The following IGF2R variants were observed in gnomAD, a reference collection of about 807,000 sequenced individuals.
The protein encoded by IGF2R is cation-independent mannose-6-phosphate receptor.
IGF2R carries 91 observed loss-of-function variants against 270.6 expected under a neutral mutation model. That is an observed-to-expected ratio of 0.34 (90% confidence interval 0.28 to 0.40). IGF2R has a LOEUF of 0.40. IGF2R is among the 10% of genes least tolerant of loss of function. The probability of loss-of-function intolerance (pLI) is 1.00; values close to 1 mark genes in which losing one functional copy is unlikely to be tolerated. For missense variants in IGF2R, 2,805 were observed against 3,188.3 expected, an observed-to-expected ratio of 0.88 and a Z score of 2.90; for synonymous variants, 1,316 against 1,258.9, an observed-to-expected ratio of 1.05 and a Z score of -0.96.
At chr6:160,074,145 C>T in intron 35 of IGF2R, 170 bp downstream of exon 35, 1 of 606,218 alleles carries the variant, frequency 1.6e-6, no homozygotes, top group South Asian at 2.0e-5. Context: ...AAGGTTTGCA[C>T]ATTGAACTGT....
In IGF2R at chr6:160,059,100, T is replaced by TGAGCTCA; in HGVS notation, c.3091+7_3091+13dup. On this transcript the variant is annotated splice_region_variant and intron_variant, in intron 22 of 47. Coordinates refer to ENST00000356956, the MANE Select transcript of IGF2R (RefSeq NM_000876.4). ...ACAAAGGGCCTCTCTCTGCCAAAGG[T>TGAGCTCA]GAGCTCAGAGCCATGTTGTTTTGTA... 6.2e-7 allele frequency: 1 copy of TGAGCTCA among 1,613,290 alleles called. No individual in the cohort carries two copies. Among genetic ancestry groups the TGAGCTCA allele is most frequent in the Non-Finnish European group, 8.5e-7 (1 of 1,179,668 alleles).
intron 30 of IGF2R, among the ~76,000 whole-genome samples, chr6:160,069,646 G>A (rs1483542098): frequency 2.6e-5 from 4 of 152,164 alleles, no homozygotes; most frequent in Non-Finnish European, 5.9e-5. Context: ...ACTCACGCCC[G>A]CCTGCCCCAG....
chr6:160,014,491 C>T (rs1777240481), intron 4 of IGF2R, among the ~76,000 whole-genome samples: 1 of 152,174 alleles, frequency 6.6e-6, no homozygotes, highest in Non-Finnish European at 1.5e-5. Context: ...AGGGAGACAG[C>T]CAGTAGTTGC....
intron 4 of IGF2R, among the ~76,000 whole-genome samples, chr6:160,023,654 A>G (rs1043981505): frequency 3.3e-5 from 5 of 152,214 alleles, no homozygotes; most frequent in Non-Finnish European, 7.3e-5. Context: ...CAAAGTGTTC[A>G]TGCCAGAGGT....
intron 1 of IGF2R, among the ~76,000 whole-genome samples, chr6:159,980,297 AG>A (rs1019021053): frequency 7.2e-5 from 11 of 152,094 alleles, no homozygotes; most frequent in African/African-American, 2.7e-4. Context: ...TCCCTAGGTG[AG>A]GGTTGCAGTT....
chr6:159,999,313 C>G (rs780775852), intron 2 of IGF2R, among the ~76,000 whole-genome samples: 43 of 152,216 alleles, frequency 2.8e-4, no homozygotes, highest in Non-Finnish European at 5.7e-4. Flanking sequence ...ATCTTGGAGG[C>G]CTTCCTGGAA....
chr6:159,994,594 C>T (rs973694217), intron 2 of IGF2R, among the ~76,000 whole-genome samples: 1 of 151,944 alleles, frequency 6.6e-6, no homozygotes, highest in Admixed American at 6.6e-5. Context: ...ATAAACTTCC[C>T]TCTTACCGCT....
In IGF2R at chr6:160,071,957, C is replaced by A; in HGVS notation, c.4491C>A (p.Thr1497=). ...GCGCCGTGGAGGACTGTGAGTACACCTTTGCCTGGCCCACAGCCACAGCCT... is the reference window on the plus strand; with the variant it reads ...GCGCCGTGGAGGACTGTGAGTACACATTTGCCTGGCCCACAGCCACAGCCT... The part of the protein sequence containing the change: ...FISAVEDCEY[T]FAWPTATACP... Residue 1497 remains threonine (T), a synonymous_variant, in exon 32 of 48, where the codon ACC becomes ACA. Transcript: ENST00000356956. The A allele has an allele frequency of 6.2e-7, 1 of 1,614,168 alleles. No individual in the cohort carries two copies. Among genetic ancestry groups the A allele is most frequent in the Non-Finnish European group, 8.5e-7 (1 of 1,180,008 alleles).
intron 12 of IGF2R, among the ~76,000 whole-genome samples, chr6:160,043,800 T>C (rs1489244507): frequency 6.6e-6 from 1 of 152,232 alleles, no homozygotes; most frequent in African/African-American, 2.4e-5. Flanking sequence ...CACTTCATTT[T>C]TGTCATTTAT....
Position 160,084,469 on chromosome 6 carries a change from C to T in IGF2R, c.6068+285C>T, listed in dbSNP as rs545738899. ...ACTGAGTTAGGCTGGGTTTGATTTG[C>T]GTTTGTGTGTAGCTCAGGTTGTGGG... On this transcript the variant is annotated intron_variant, in intron 40 of 47. Coordinates refer to ENST00000356956, the MANE Select transcript of IGF2R (RefSeq NM_000876.4). This position sits in a 1 kb window ranked among gnomAD's most constrained non-coding sequence, Gnocchi z 4.6. Among the ~76,000 whole-genome samples the T allele has an allele frequency of 2.0e-4, 30 of 152,194 alleles. No individual in the cohort carries two copies. The highest frequency in any genetic ancestry group is 8.5e-4 in the Admixed American group (13 of 15,290).
intron 2 of IGF2R, among the ~76,000 whole-genome samples, chr6:159,999,651 T>C (rs1051146758): frequency 5.9e-5 from 9 of 152,166 alleles, no homozygotes; most frequent in Non-Finnish European, 2.9e-5. Flanking sequence ...TCCCCGCAGA[T>C]CAGAGGAACA....
At chr6:159,982,466 G>T (rs1463349452) in intron 1 of IGF2R, among the ~76,000 whole-genome samples, 1 of 152,314 alleles carries the variant, frequency 6.6e-6, no homozygotes, top group Middle Eastern at 3.4e-3. Flanking sequence ...TGTTAGATTT[G>T]TTGCTTGCTG....
intron 1 of IGF2R, among the ~76,000 whole-genome samples, chr6:159,980,886 A>C (rs1783789509): frequency 6.6e-6 from 1 of 152,046 alleles, no homozygotes; most frequent in South Asian, 2.1e-4. Context: ...CCCATCTACA[A>C]CTCTTCTTTA....
In IGF2R at chr6:160,060,476, T is replaced by G. The variant is rs1778411541; in HGVS notation, c.3092-71T>G. ...GCCAGTGGCAGCCTTGTCCTGTTGC[T>G]GCACTGTGCTTGTGGGCTGCGCCAT... is the stretch of plus-strand genomic sequence containing the variant. On this transcript the variant is annotated intron_variant, in intron 22 of 47. Coordinates refer to ENST00000356956, the MANE Select transcript of IGF2R (RefSeq NM_000876.4). 6 of 1,484,886 alleles carry G rather than the reference T, an allele frequency of 4.0e-6. No homozygotes were observed. The South Asian group carries it at 7.2e-5, about 18-fold the overall frequency. The allele number at this position is 1,484,886 out of a possible 1,614,324, so 92.0% of individuals were successfully genotyped here.
rs9355771 is a variant in IGF2R, at chr6:160,002,495, C to T, written c.290-6515C>T. Among the ~76,000 whole-genome samples, 47 of 152,206 alleles carry T rather than the reference C, an allele frequency of 3.1e-4. No individual in the cohort carries two copies. In the East Asian group the frequency reaches 6.2e-3, roughly 20 times the overall value. On this transcript the variant is annotated intron_variant, in intron 2 of 47. Transcript: ENST00000356956. ...CTTCGTCCTTATTGTCTTCATGTTG[C>T]GTAGGCTGAGTAGGAGGAGGAAGAG...
chr6:159,974,938 T>C (rs1354828059), intron 1 of IGF2R, among the ~76,000 whole-genome samples: 1 of 152,182 alleles, frequency 6.6e-6, no homozygotes, highest in Non-Finnish European at 1.5e-5. Flanking sequence ...TGAAGAAAAC[T>C]CAAACCATAT....
At position 160,050,791 on chromosome 6, in the gene IGF2R, C is replaced by T. The variant is rs894811726; in HGVS notation, c.2694+139C>T. 2.6e-5 allele frequency: 18 copies of T among 688,028 alleles called. No homozygotes were observed. The highest frequency in any genetic ancestry group is 2.1e-4 in the Admixed American group (7 of 33,474). The allele number at this position is 688,028 out of a possible 1,614,324, so 42.6% of individuals were successfully genotyped here. ...CTTAGTTCTGCTTAAGGTCAGTGTG[C>T]GGTATATATGTTCACAGGCAGGGAG... On this transcript the variant is annotated intron_variant, in intron 19 of 47. Coordinates refer to ENST00000356956, the MANE Select transcript of IGF2R (RefSeq NM_000876.4). The surrounding 1 kb of genome is among the most constrained non-coding windows in gnomAD (Gnocchi z 4.0).
chr6:160,103,759 A>G lies in IGF2R; in HGVS notation c.7009A>G (p.Ser2337Gly). The G allele has an allele frequency of 6.2e-7, 1 of 1,610,226 alleles. No homozygotes were observed. The highest frequency in any genetic ancestry group is 8.5e-7 in the Non-Finnish European group (1 of 1,176,464). Reference protein sequence around the residue: ...YKKERRETVISKLTTCCRRSS... With the variant: ...YKKERRETVIGKLTTCCRRSS... The stretch of plus-strand genomic sequence containing the variant: ...TTTTTTTTATAGGGAAACAGTGATA[A>G]GTAAGCTGACCACTTGCTGTAGGAG... Residue 2337 changes from serine (S) to glycine (G), a missense_variant, in exon 47 of 48, where the codon AGT becomes GGT. By Grantham distance (56) the Ser-to-Gly change is moderately conservative. Around this residue, in one of 2 missense-constraint regions of IGF2R, gnomAD observed 1,851 missense variants for 2,207.2 expected, o/e 0.84. Coordinates refer to ENST00000356956, the MANE Select transcript of IGF2R (RefSeq NM_000876.4).
Position 160,107,501 on chromosome 6 carries a change from A to G in IGF2R, c.*2417A>G, listed in dbSNP as rs1779646903. On this transcript the variant is annotated 3_prime_UTR_variant, in exon 48 of 48. Coordinates refer to ENST00000356956, the MANE Select transcript of IGF2R (RefSeq NM_000876.4). ...TTACAGATGATATTTTTAGGAAAAC[A>G]TCCCGTGACAGCAAATCAGAATTGG... The G allele has an allele frequency of 6.6e-6, 1 of 152,270 alleles. No individual in the cohort carries two copies. The highest frequency in any genetic ancestry group is 2.4e-5 in the African/African-American group (1 of 41,472). 9.4% of individuals were successfully genotyped at this position (152,270 alleles called of 1,614,324 possible).
Sources: gnomAD v4.1 joint callset for allele counts (sites outside exome capture counted in the v4.1 genomes callset) on GRCh38, gnomAD v4.1.1 for gene constraint, gnomAD v4.1.1 regional missense constraint, Gnocchi (gnomAD v3.1) non-coding constraint, MANE v1.5 for transcripts, NCBI Gene and HGNC (gene_info 2026-07-23, HGNC 2026-07-21) for gene names.